The following CDH2 variants were observed in gnomAD, a reference collection of about 807,000 sequenced individuals.
The protein encoded by CDH2 is cadherin-2.
CDH2 carries 17 observed loss-of-function variants against 92.0 expected under a neutral mutation model. That is an observed-to-expected ratio of 0.18 (90% CI 0.13 to 0.28). CDH2 has a LOEUF of 0.28. Ranked by LOEUF, CDH2 falls within the 10% of genes least tolerant of loss-of-function variation. The probability of loss-of-function intolerance (pLI) is 1.00; values close to 1 mark genes in which losing one functional copy is unlikely to be tolerated. For synonymous variants in CDH2, 419 were observed against 415.9 expected (o/e 1.01, Z -0.09); for missense variants, 862 against 1,133.1 (o/e 0.76, Z 3.44).
intron 15 of CDH2, among the ~76,000 whole-genome samples, chr18:27,962,325 A>G (rs961571125): frequency 2.6e-5 from 4 of 152,244 alleles, no homozygotes; most frequent in African/African-American, 9.6e-5. Flanking sequence ...AAGGCAGCAT[A>G]TATTTTAGGA....
chr18:28,154,670 A>G (rs540472362), intron 1 of CDH2, among the ~76,000 whole-genome samples: 1 of 152,178 alleles, frequency 6.6e-6, no homozygotes, highest in Non-Finnish European at 1.5e-5. Context: ...TCCCGTTCTC[A>G]TTATTCTTTT....
chr18:28,175,383 A>G (rs1203548152), intron 1 of CDH2, among the ~76,000 whole-genome samples: 2 of 152,206 alleles, frequency 1.3e-5, no homozygotes, highest in Non-Finnish European at 2.9e-5. Context: ...GAAATCCAAG[A>G]AAGGGAAAAG....
chr18:28,168,223 A>T (rs922953588), intron 1 of CDH2, among the ~76,000 whole-genome samples: 1 of 152,156 alleles, frequency 6.6e-6, no homozygotes, highest in African/African-American at 2.4e-5. Flanking sequence ...AGGTCAAGTT[A>T]CAAGTAAAAT....
At chr18:28,028,171 A>C (rs981796640) in intron 2 of CDH2, among the ~76,000 whole-genome samples, 4 of 152,084 alleles carry the variant, frequency 2.6e-5, no homozygotes, top group Non-Finnish European at 5.9e-5. Context: ...AGAAAAAAAA[A>C]CCTAAACTAA....
intron 2 of CDH2, among the ~76,000 whole-genome samples, chr18:28,061,838 A>G (rs1484452352): frequency 6.6e-6 from 1 of 152,154 alleles, no homozygotes; most frequent in Non-Finnish European, 1.5e-5. Flanking sequence ...TAAAACCATC[A>G]GATCTCATGA....
chr18:28,123,458 A>C (rs2015624968), intron 2 of CDH2, among the ~76,000 whole-genome samples: 2 of 152,142 alleles, frequency 1.3e-5, no homozygotes. Flanking sequence ...TTTTGCTAAT[A>C]CTCAATTTTC....
intron 6 of CDH2, among the ~76,000 whole-genome samples, chr18:27,943,248 T>C (rs546595134): frequency 2.0e-5 from 3 of 152,314 alleles, no homozygotes; most frequent in Non-Finnish European, 4.4e-5. Context: ...TTTCACTCAG[T>C]GTCTTCTAGA....
At chr18:27,975,181 T>C (rs571261824) in intron 14 of CDH2, among the ~76,000 whole-genome samples, 1 of 152,170 alleles carries the variant, frequency 6.6e-6, no homozygotes, top group Non-Finnish European at 1.5e-5. Context: ...CCAATTGTCA[T>C]GCTCCAGTCA....
At chr18:27,968,836 GA>G (rs889677210) in intron 14 of CDH2, among the ~76,000 whole-genome samples, 155 of 151,990 alleles carry the variant, frequency 1.0e-3, no homozygotes, top group African/African-American at 3.3e-3. Flanking sequence ...AATTCTGAAG[GA>G]AAAAAAATAT....
At chr18:28,010,985 C>G (rs1357911457) in intron 4 of CDH2, among the ~76,000 whole-genome samples, 1 of 150,000 alleles carries the variant, frequency 6.7e-6, no homozygotes, top group Non-Finnish European at 1.5e-5. Context: ...TTCTCTCAAA[C>G]TTCATTAAAG....
chr18:28,160,098 A>G (rs2016283764), intron 1 of CDH2, among the ~76,000 whole-genome samples: 1 of 152,036 alleles, frequency 6.6e-6, no homozygotes, highest in Non-Finnish European at 1.5e-5. Context: ...CTTGACCACC[A>G]CTTAGGTAGC....
chr18:28,004,444 A>G (rs1165818733), intron 6 of CDH2, among the ~76,000 whole-genome samples: 1 of 152,224 alleles, frequency 6.6e-6, no homozygotes, highest in Non-Finnish European at 1.5e-5. Context: ...TAGAAGAACC[A>G]CAAGAAATAT....
intron 2 of CDH2, among the ~76,000 whole-genome samples, chr18:28,142,961 TAAA>T (rs1480643708): frequency 6.6e-6 from 1 of 152,070 alleles, no homozygotes; most frequent in Non-Finnish European, 1.5e-5. Flanking sequence ...ACTAAACTAA[TAAA>T]AAGTACTTCA....
intron 2 of CDH2, among the ~76,000 whole-genome samples, chr18:28,114,593 GTTC>G (rs1364962274): frequency 2.0e-5 from 3 of 152,166 alleles, no homozygotes; most frequent in Admixed American, 6.5e-5. Context: ...TTTAAATTAT[GTTC>G]TTCTCCTTTA....
chr18:27,993,210 G>A (rs1194866201), intron 8 of CDH2, among the ~76,000 whole-genome samples: 3 of 152,160 alleles, frequency 2.0e-5, no homozygotes, highest in Non-Finnish European at 4.4e-5. Context: ...TGCAGCTCAT[G>A]CACCTGAAAA....
At chr18:28,034,072 GT>G (rs1287623068) in intron 2 of CDH2, among the ~76,000 whole-genome samples, 1 of 151,680 alleles carries the variant, frequency 6.6e-6, no homozygotes, top group Non-Finnish European at 1.5e-5. Flanking sequence ...ATTCTTTCTG[GT>G]TTGGTGAAAA....
At chr18:28,140,459 T>A (rs891948856) in intron 2 of CDH2, among the ~76,000 whole-genome samples, 4 of 151,920 alleles carry the variant, frequency 2.6e-5, no homozygotes, top group African/African-American at 7.3e-5. Context: ...GAGGTGGAAT[T>A]TGTGGGAGGT....
intron 1 of CDH2, among the ~76,000 whole-genome samples, chr18:28,172,811 C>T (rs1015597678): frequency 1.3e-5 from 2 of 152,088 alleles, no homozygotes; most frequent in African/African-American, 4.8e-5. Context: ...ACGAACACAA[C>T]ACTTCTTAAA....
At chr18:28,029,429 T>C (rs2013637917) in intron 2 of CDH2, among the ~76,000 whole-genome samples, 1 of 152,112 alleles carries the variant, frequency 6.6e-6, no homozygotes. Context: ...ACAACTGCAG[T>C]CATGTCAAAA....
Sources: gnomAD v4.1 joint callset for allele counts (sites outside exome capture counted in the v4.1 genomes callset) on GRCh38, gnomAD v4.1.1 for gene constraint, MANE v1.5 for transcripts, NCBI Gene and HGNC (gene_info 2026-07-23, HGNC 2026-07-21) for gene names.